OSBPL3: variants seen among roughly 807,000 people sequenced by gnomAD.
The protein encoded by OSBPL3 is oxysterol-binding protein-related protein 3.
OSBPL3 carries 65 observed loss-of-function variants against 120.1 expected under a neutral mutation model. The observed-to-expected ratio is 0.54, with a 90% confidence interval of 0.44 to 0.67. The LOEUF is 0.67. Ranked by LOEUF, OSBPL3 falls within the 30% of genes least tolerant of loss-of-function variation. OSBPL3 has a pLI of 0.00. For missense variants in OSBPL3, 1,004 were observed against 1,082.1 expected (o/e 0.93, Z 1.01); for synonymous variants, 416 against 402.6 (o/e 1.03, Z -0.40).
intron 22 of OSBPL3, among the ~76,000 whole-genome samples, chr7:24,801,785 T>A (rs1792392574): frequency 6.6e-6 from 1 of 152,152 alleles, no homozygotes; most frequent in Non-Finnish European, 1.5e-5. Context: ...AAACCAACAA[T>A]CTTATCATTT....
chr7:24,856,269 C>T (rs529414136), intron 10 of OSBPL3, among the ~76,000 whole-genome samples: 181 of 152,090 alleles, frequency 1.2e-3, no homozygotes, highest in African/African-American at 3.8e-3. Flanking sequence ...TCATAAGCGT[C>T]GTACAAGTGA....
At position 24,952,621 on chromosome 7, in the gene OSBPL3, T is replaced by C. The variant is rs1160962018; in HGVS notation, c.-150+27265A>G. Among the ~76,000 whole-genome samples the C allele has an allele frequency of 1.3e-5, 2 of 152,228 alleles. No individual in the cohort carries two copies. The highest frequency in any genetic ancestry group is 2.9e-5 in the Non-Finnish European group (2 of 68,036). The stretch of plus-strand genomic sequence containing the variant: ...TTATCATGTATCTCAATACGGTTCA[T>C]GCCAGGCATATGTATATTCACATGC... On this transcript the variant is annotated intron_variant, in intron 1 of 22. Transcript: ENST00000313367. This position sits in a 1 kb window ranked among gnomAD's most constrained non-coding sequence, Gnocchi z 4.4.
intron 1 of OSBPL3, among the ~76,000 whole-genome samples, chr7:24,951,864 C>A (rs770228087): frequency 6.6e-6 from 1 of 152,170 alleles, no homozygotes; most frequent in Non-Finnish European, 1.5e-5. Context: ...ATCACAACAC[C>A]CACGGTACAT....
At chr7:24,886,963 T>C (rs778430813) in intron 2 of OSBPL3, among the ~76,000 whole-genome samples, 2 of 152,238 alleles carry the variant, frequency 1.3e-5, no homozygotes, top group Non-Finnish European at 2.9e-5. Context: ...GCATTTTATT[T>C]GACCTATCAG....
Position 24,833,446 on chromosome 7 carries a change from A to G in OSBPL3, c.1746+1040T>C, listed in dbSNP as rs1173220077. Among the ~76,000 whole-genome samples, 1 of 152,228 alleles carries G rather than the reference A, an allele frequency of 6.6e-6. No individual in the cohort carries two copies. Among genetic ancestry groups the G allele is most frequent in the African/African-American group, 2.4e-5 (1 of 41,456 alleles). On this transcript the variant is annotated intron_variant, in intron 15 of 22. Transcript: ENST00000313367. The surrounding 1 kb of genome is among the most constrained non-coding windows in gnomAD (Gnocchi z 4.4). Reference sequence around the variant, plus strand: ...GGGCTATCCCTCTCAGACAGCAGTTAAGATTCCCCCTTAATCTTCAAATCA... The same window carrying G: ...GGGCTATCCCTCTCAGACAGCAGTTGAGATTCCCCCTTAATCTTCAAATCA...
intron 19 of OSBPL3, among the ~76,000 whole-genome samples, chr7:24,814,659 G>A (rs1020031083): frequency 2.0e-5 from 3 of 151,990 alleles, no homozygotes; most frequent in Non-Finnish European, 4.4e-5. Context: ...CCCTCCTGCA[G>A]CCCCGGGCGA....
intron 2 of OSBPL3, among the ~76,000 whole-genome samples, chr7:24,878,309 G>A (rs947682245): frequency 2.4e-4 from 36 of 152,202 alleles, no homozygotes; most frequent in African/African-American, 8.7e-4. Flanking sequence ...GAGTGTTGGG[G>A]AAGAAAGTTT....
intron 2 of OSBPL3, among the ~76,000 whole-genome samples, chr7:24,886,720 G>A (rs1804581760): frequency 6.6e-6 from 1 of 152,168 alleles, no homozygotes; most frequent in African/African-American, 2.4e-5. Context: ...ATTGAAAGAG[G>A]AAAGACGATG....
Position 24,881,301 on chromosome 7 carries a change from C to G in OSBPL3, c.97-9232G>C, listed in dbSNP as rs1208456723. On this transcript the variant is annotated intron_variant, in intron 2 of 22. Transcript: ENST00000313367. This position sits in a 1 kb window ranked among gnomAD's most constrained non-coding sequence, Gnocchi z 4.3. ...AATAACTGGTTCTCATAATGAGAACCTAGTGACAATGTTAAGATCTCAGAG... is the reference window on the plus strand; with the variant it reads ...AATAACTGGTTCTCATAATGAGAACGTAGTGACAATGTTAAGATCTCAGAG... Among the ~76,000 whole-genome samples the G allele has an allele frequency of 1.3e-5, 2 of 152,100 alleles. No individual in the cohort carries two copies. Among genetic ancestry groups the G allele is most frequent in the Non-Finnish European group, 2.9e-5 (2 of 68,014 alleles).
chr7:24,887,849 A>G (rs2128327617), intron 2 of OSBPL3, among the ~76,000 whole-genome samples: 1 of 152,322 alleles, frequency 6.6e-6, no homozygotes, highest in Admixed American at 6.5e-5. Flanking sequence ...AGATGCTGGC[A>G]TAGAGGGCGA....
chr7:24,943,453 A>G (rs1430418282), intron 1 of OSBPL3, among the ~76,000 whole-genome samples: 1 of 152,256 alleles, frequency 6.6e-6, no homozygotes, highest in Non-Finnish European at 1.5e-5. Flanking sequence ...GCAGTCAAGC[A>G]CCACATTCAT....
intron 1 of OSBPL3, among the ~76,000 whole-genome samples, chr7:24,970,387 T>C (rs1816872440): frequency 6.6e-6 from 1 of 152,186 alleles, no homozygotes; most frequent in Non-Finnish European, 1.5e-5. Context: ...ATTATAGGCG[T>C]GAGCCATCGC....
chr7:24,974,049 AG>A (rs1817312349), intron 1 of OSBPL3, among the ~76,000 whole-genome samples: 1 of 152,212 alleles, frequency 6.6e-6, no homozygotes. Flanking sequence ...TTAAAAATTG[AG>A]GTATTTTTAC....
chr7:24,810,613 T>C (rs1170993900), intron 19 of OSBPL3, among the ~76,000 whole-genome samples: 1 of 152,216 alleles, frequency 6.6e-6, no homozygotes, highest in African/African-American at 2.4e-5. Context: ...ATAGTCATCA[T>C]GTTGTACGAT....
At chr7:24,926,927 C>A (rs1174763676) in intron 1 of OSBPL3, among the ~76,000 whole-genome samples, 1 of 152,046 alleles carries the variant, frequency 6.6e-6, no homozygotes, top group Non-Finnish European at 1.5e-5. Context: ...CCAATGTAGT[C>A]AATGTTGTAA....
chr7:24,892,546 C>A lies in OSBPL3; in HGVS notation c.-74G>T. 1 of 1,556,808 alleles carries A rather than the reference C, an allele frequency of 6.4e-7. No homozygotes were observed. The highest frequency in any genetic ancestry group is 8.8e-7 in the Non-Finnish European group (1 of 1,140,476). On this transcript the variant is annotated 5_prime_UTR_variant, in exon 2 of 23. Transcript: ENST00000313367. ...CAAGGGAGCCGAGAGTATGGAAGTC[C>A]CCAGTGGCAGGTGGTTTAGCTCTTA...
At chr7:24,882,073 T>C (rs1233218474) in intron 2 of OSBPL3, among the ~76,000 whole-genome samples, 1 of 152,198 alleles carries the variant, frequency 6.6e-6, no homozygotes, top group Non-Finnish European at 1.5e-5. Flanking sequence ...GTGGTAACAT[T>C]CACAGCTTCC....
In OSBPL3 at chr7:24,938,108, C is replaced by T. The variant is rs568169904; in HGVS notation, c.-150+41778G>A. Among the ~76,000 whole-genome samples the T allele has an allele frequency of 6.6e-6, 1 of 152,240 alleles. No individual in the cohort carries two copies. The highest frequency in any genetic ancestry group is 2.4e-5 in the African/African-American group (1 of 41,534). ...TTGCTATGGGCTGAAAGTTTCTGTC[C>T]CGCCAAAACTGGTATGTTGAAACCT... On this transcript the variant is annotated intron_variant, in intron 1 of 22. Transcript: ENST00000313367. This position sits in a 1 kb window ranked among gnomAD's most constrained non-coding sequence, Gnocchi z 5.8.
intron 1 of OSBPL3, among the ~76,000 whole-genome samples, chr7:24,941,887 A>G (rs1813149348): frequency 6.6e-6 from 1 of 152,154 alleles, no homozygotes; most frequent in Non-Finnish European, 1.5e-5. Flanking sequence ...TTCCCCCTTT[A>G]TCACTCACAT....
Sources: gnomAD v4.1 joint callset for allele counts (sites outside exome capture counted in the v4.1 genomes callset) on GRCh38, gnomAD v4.1.1 for gene constraint, Gnocchi (gnomAD v3.1) non-coding constraint, MANE v1.5 for transcripts, NCBI Gene and HGNC (gene_info 2026-07-23, HGNC 2026-07-21) for gene names.